CDH12: variants seen among roughly 807,000 people sequenced by gnomAD.
CDH12 encodes the protein cadherin 12, also known as cadherin-12.
A neutral mutation model predicts 74.1 loss-of-function variants in CDH12; 41 were observed. The observed-to-expected ratio is 0.55, with a 90% CI of 0.43 to 0.72. CDH12 has a LOEUF of 0.72. Ranked by LOEUF, CDH12 falls within the 30% of genes least tolerant of loss-of-function variation. The pLI is 0.00. For missense variants in CDH12, 945 were observed against 977.2 expected (o/e 0.97, Z 0.44); for synonymous variants, 399 against 355.0 (o/e 1.12, Z -1.39).
intron 5 of CDH12, among the ~76,000 whole-genome samples, chr5:21,989,517 C>A (rs184875324): frequency 6.6e-6 from 1 of 152,140 alleles, no homozygotes; most frequent in African/African-American, 2.4e-5. Flanking sequence ...CTTTCCCCAA[C>A]CATGAGTCCT....
intron 1 of CDH12, among the ~76,000 whole-genome samples, chr5:22,538,776 GA>G (rs1737974601): frequency 6.6e-6 from 1 of 152,130 alleles, no homozygotes; most frequent in African/African-American, 2.4e-5. Context: ...ATTGTGTTCA[GA>G]AACCAAAATG....
intron 4 of CDH12, among the ~76,000 whole-genome samples, chr5:22,110,294 C>T (rs1744729622): frequency 6.6e-6 from 1 of 152,122 alleles, no homozygotes; most frequent in Admixed American, 6.5e-5. Flanking sequence ...CAGGGTGAAC[C>T]TCTTCTTCAT....
intron 6 of CDH12, among the ~76,000 whole-genome samples, chr5:21,917,011 G>A (rs1754127766): frequency 6.6e-6 from 1 of 152,202 alleles, no homozygotes; most frequent in South Asian, 2.1e-4. Context: ...TTATCTTGCA[G>A]TTAGTGGTCA....
chr5:22,359,037 C>G (rs1362284141), intron 3 of CDH12, among the ~76,000 whole-genome samples: 1 of 152,114 alleles, frequency 6.6e-6, no homozygotes, highest in Non-Finnish European at 1.5e-5. Flanking sequence ...AGCAAAATAA[C>G]CAGCTAACAT....
At chr5:22,237,405 C>T (rs1752595910) in intron 3 of CDH12, among the ~76,000 whole-genome samples, 1 of 152,060 alleles carries the variant, frequency 6.6e-6, no homozygotes, top group South Asian at 2.1e-4. Flanking sequence ...AATCCTAATC[C>T]TCAAGGTGAT....
chr5:22,386,192 G>A (rs1317581516), intron 3 of CDH12, among the ~76,000 whole-genome samples: 1 of 151,878 alleles, frequency 6.6e-6, no homozygotes, highest in Non-Finnish European at 1.5e-5. Flanking sequence ...GCGCCCGGCC[G>A]GCTATACACT....
At chr5:22,738,053 T>C (rs1046768160) in intron 1 of CDH12, among the ~76,000 whole-genome samples, 1 of 151,860 alleles carries the variant, frequency 6.6e-6, no homozygotes, top group Admixed American at 6.6e-5. Flanking sequence ...CATGGTACAT[T>C]GGGTGAGGCC....
chr5:22,809,815 G>A (rs1466084528), intron 1 of CDH12, among the ~76,000 whole-genome samples: 1 of 151,976 alleles, frequency 6.6e-6, no homozygotes, highest in African/African-American at 2.4e-5. Context: ...AATAGAGTAA[G>A]AGGAGAAAAT....
At chr5:22,382,094 T>C (rs967120661) in intron 3 of CDH12, among the ~76,000 whole-genome samples, 7 of 146,288 alleles carry the variant, frequency 4.8e-5, no homozygotes, top group African/African-American at 1.5e-4. Context: ...AAATATGATA[T>C]AAAATAATAT....
At chr5:22,307,091 C>T (rs2920766) in intron 3 of CDH12, among the ~76,000 whole-genome samples, 63,075 of 151,862 alleles carry the variant, frequency 0.42, 13,793 homozygotes, top group Admixed American at 0.52. Context: ...TTTTCTGCAG[C>T]GAATTTGAGT....
intron 6 of CDH12, among the ~76,000 whole-genome samples, chr5:21,945,254 G>A (rs547142754): frequency 3.2e-4 from 48 of 151,476 alleles, no homozygotes; most frequent in Admixed American, 1.8e-3. Flanking sequence ...GCGAAACCCC[G>A]CCTCTACTAA....
intron 5 of CDH12, among the ~76,000 whole-genome samples, chr5:22,057,505 A>G (rs1740823617): frequency 6.6e-6 from 1 of 152,118 alleles, no homozygotes; most frequent in African/African-American, 2.4e-5. Context: ...TCAATATCAG[A>G]ATCTCTCTTC....
At chr5:22,582,689 C>G (rs1245225874) in intron 1 of CDH12, among the ~76,000 whole-genome samples, 1 of 152,150 alleles carries the variant, frequency 6.6e-6, no homozygotes, top group African/African-American at 2.4e-5. Context: ...TTATCAATGT[C>G]ATTTCTTTGT....
intron 5 of CDH12, among the ~76,000 whole-genome samples, chr5:21,986,749 A>T (rs1469175436): frequency 6.6e-6 from 1 of 152,156 alleles, no homozygotes; most frequent in East Asian, 1.9e-4. Flanking sequence ...AAATGCCAAT[A>T]ATCAGCTATT....
chr5:22,371,735 T>G (rs1741301173), intron 3 of CDH12, among the ~76,000 whole-genome samples: 1 of 152,210 alleles, frequency 6.6e-6, no homozygotes, highest in South Asian at 2.1e-4. Flanking sequence ...TAGAATATTA[T>G]GTACCAAGCA....
intron 1 of CDH12, among the ~76,000 whole-genome samples, chr5:22,594,414 G>A (rs528825916): frequency 2.0e-5 from 3 of 152,198 alleles, no homozygotes; most frequent in East Asian, 1.9e-4. Context: ...CCAAAGAGAC[G>A]TACTCATCTC....
chr5:22,325,657 C>A (rs938302130), intron 3 of CDH12, among the ~76,000 whole-genome samples: 7 of 151,992 alleles, frequency 4.6e-5, no homozygotes, highest in Admixed American at 2.0e-4. Context: ...GAGGCCGAGG[C>A]GGGCGCATCA....
chr5:22,814,382 G>A (rs1749290562), intron 1 of CDH12, among the ~76,000 whole-genome samples: 1 of 151,986 alleles, frequency 6.6e-6, no homozygotes, highest in African/African-American at 2.4e-5. Context: ...AAAATTTTGT[G>A]CTTGCTATTT....
intron 5 of CDH12, among the ~76,000 whole-genome samples, chr5:21,994,498 C>T (rs1241886837): frequency 2.0e-5 from 3 of 152,134 alleles, no homozygotes; most frequent in Non-Finnish European, 4.4e-5. Context: ...ACTTTCTTTT[C>T]CATGCAACTG....
Sources: gnomAD v4.1 joint callset for allele counts (sites outside exome capture counted in the v4.1 genomes callset) on GRCh38, gnomAD v4.1.1 for gene constraint, MANE v1.5 for transcripts, NCBI Gene and HGNC (gene_info 2026-07-23, HGNC 2026-07-21) for gene names.